The following BCO1 variants were observed in gnomAD, a reference collection of about 807,000 sequenced individuals.
BCO1 encodes beta,beta-carotene 15,15'-dioxygenase.
A neutral mutation model predicts 56.3 loss-of-function variants in BCO1; 54 were observed. That is an observed-to-expected ratio of 0.96 (90% CI 0.77 to 1.20). The LOEUF (loss-of-function observed/expected upper bound fraction) is 1.20, where lower values mean the gene tolerates loss of function less well. Among genes scored for constraint, BCO1 ranks in the 50% most tolerant of loss-of-function variants. The probability of loss-of-function intolerance (pLI) is 0.00; values close to 1 mark genes in which losing one functional copy is unlikely to be tolerated. For synonymous variants in BCO1, 318 were observed against 266.1 expected (o/e 1.20, Z -1.90); for missense variants, 801 against 690.9 (o/e 1.16, Z -1.79).
chr16:81,243,861 G>A (rs1905246889), intron 1 of BCO1, among the ~76,000 whole-genome samples: 1 of 152,238 alleles, frequency 6.6e-6, no homozygotes, highest in African/African-American at 2.4e-5. Context: ...AACATCAGGA[G>A]GAACTCAGGG....
intron 10 of BCO1, among the ~76,000 whole-genome samples, chr16:81,288,454 AG>A (rs530295525): frequency 3.8e-4 from 58 of 152,190 alleles, no homozygotes; most frequent in African/African-American, 1.4e-3. Context: ...TTGTAAAGAA[AG>A]GGTCTCACTA....
chr16:81,273,957 A>C, intron 7 of BCO1, among the ~76,000 whole-genome samples: 1 of 152,246 alleles, frequency 6.6e-6, no homozygotes, highest in Non-Finnish European at 1.5e-5. Flanking sequence ...TATGTGACTC[A>C]GGGCTATTGG....
At position 81,268,013 on chromosome 16, in the gene BCO1, C is replaced by A; in HGVS notation, c.725C>A (p.Thr242Asn). Reference sequence around the variant, plus strand: ...AGCTACTACCACAGCTTTGGAGTCACCGAGAACTATGTCATCTTCCTTGAG... The same window carrying A: ...AGCTACTACCACAGCTTTGGAGTCAACGAGAACTATGTCATCTTCCTTGAG... ...SPSYYHSFGV[T>N]ENYVIFLEQP... The change falls in exon 6 of 11, where the codon ACC (threonine) becomes AAC (asparagine). Residue 242 changes from threonine (T) to asparagine (N), a missense_variant. Physicochemically the swap from Thr to Asn is moderately conservative, Grantham distance 65. Coordinates refer to ENST00000258168, the MANE Select transcript of BCO1 (RefSeq NM_017429.3). 2 of 1,613,906 alleles carry A rather than the reference C, an allele frequency of 1.2e-6. No individual in the cohort carries two copies. The highest frequency in any genetic ancestry group is 1.7e-6 in the Non-Finnish European group (2 of 1,180,010).
intron 2 of BCO1, among the ~76,000 whole-genome samples, chr16:81,246,774 C>A (rs1350171533): frequency 6.7e-6 from 1 of 149,006 alleles, no homozygotes; most frequent in Non-Finnish European, 1.5e-5. Flanking sequence ...TTGCTTGAAC[C>A]CAGGAAGCAG....
rs767505930 is a variant in BCO1 at position 81,262,274 on chromosome 16, C to G, written c.462C>G (p.Thr154=). Residue 154 remains threonine (T), a synonymous_variant, in exon 4 of 11, where the codon ACC becomes ACG. Coordinates refer to ENST00000258168, the MANE Select transcript of BCO1 (RefSeq NM_017429.3). The part of the protein sequence containing the change: ...IRKINPQTLE[T]LEKVDYRKYV... The stretch of plus-strand genomic sequence containing the variant: ...AAATCAACCCACAGACTCTGGAAAC[C>G]CTGGAGAAGGTATCAACACATATGT... 3.7e-6 allele frequency: 6 copies of G among 1,613,262 alleles called. No individual in the cohort carries two copies. In the African/African-American group the frequency reaches 5.3e-5, roughly 14 times the overall value.
At chr16:81,264,560 T>C (rs1906689908) in intron 4 of BCO1, 80 bp from the exon 5 acceptor site, 2 of 1,547,522 alleles carry the variant, frequency 1.3e-6, no homozygotes, top group Non-Finnish European at 1.8e-6. Context: ...CCTTTCTCCT[T>C]TGAAAAACCA....
rs9934518 is a variant in BCO1, at chr16:81,273,055, C to T, written c.1101+2639C>T. On this transcript the variant is annotated intron_variant, in intron 7 of 10. Transcript: ENST00000258168. ...TTTAATCTCGGCTCACTGCAATCTC[C>T]GCCTCCTGGGTTCTAGCGATTCTCC... is the stretch of plus-strand genomic sequence containing the variant. 7.2e-3 allele frequency among the ~76,000 whole-genome samples: 1,092 copies of T among 152,218 alleles called. 13 individuals are homozygous for T. The highest frequency in any genetic ancestry group is 0.025 in the African/African-American group (1,041 of 41,524).
intron 7 of BCO1, among the ~76,000 whole-genome samples, chr16:81,274,394 G>T (rs1306044093): frequency 6.6e-6 from 1 of 151,316 alleles, no homozygotes; most frequent in Non-Finnish European, 1.5e-5. Flanking sequence ...CTCCCTAGTG[G>T]CTGGGACTAC....
intron 7 of BCO1, among the ~76,000 whole-genome samples, chr16:81,276,922 C>G (rs1254757820): frequency 6.6e-6 from 1 of 151,812 alleles, no homozygotes; most frequent in Non-Finnish European, 1.5e-5. Flanking sequence ...CAAAACTTAG[C>G]CAGGCATGGT....
intron 4 of BCO1, chr16:81,262,898 G>T (rs1302589204): frequency 6.4e-6 from 1 of 156,458 alleles, no homozygotes; most frequent in Non-Finnish European, 1.4e-5. Context: ...CTCTCTCACA[G>T]TTCTGGAGGT....
At chr16:81,254,940 T>C (rs749669557) in intron 2 of BCO1, among the ~76,000 whole-genome samples, 3 of 152,058 alleles carry the variant, frequency 2.0e-5, no homozygotes, top group Non-Finnish European at 4.4e-5. Context: ...GGGACTACCA[T>C]ACCCATCTGA....
At chr16:81,283,892 A>G (rs899266384) in intron 8 of BCO1, among the ~76,000 whole-genome samples, 4 of 151,954 alleles carry the variant, frequency 2.6e-5, no homozygotes, top group African/African-American at 9.7e-5. Flanking sequence ...ATATACATAT[A>G]TACACATTTA....
chr16:81,260,308 GA>G (rs375264968), intron 3 of BCO1, among the ~76,000 whole-genome samples: 29,008 of 131,092 alleles, frequency 0.22, 3,355 homozygotes, highest in Non-Finnish European at 0.3. Flanking sequence ...AGACTAAGTG[GA>G]AAAAAAAAAA....
intron 7 of BCO1, among the ~76,000 whole-genome samples, chr16:81,278,898 C>T (rs537782968): frequency 2.6e-5 from 4 of 151,834 alleles, no homozygotes; most frequent in East Asian, 1.9e-4. Flanking sequence ...AGGACCCTTG[C>T]GGTTCAGCTG....
intron 4 of BCO1, 57 bp downstream of exon 4, chr16:81,262,340 G>A: frequency 1.9e-6 from 3 of 1,572,440 alleles, no homozygotes; most frequent in Non-Finnish European, 2.6e-6. Context: ...GAGAGTCGGC[G>A]ACGGCCGGGG....
chr16:81,285,967 C>A (rs947699530), intron 9 of BCO1, among the ~76,000 whole-genome samples: 5 of 152,128 alleles, frequency 3.3e-5, no homozygotes, highest in Non-Finnish European at 5.9e-5. Flanking sequence ...AAGGAACTCA[C>A]CCTCTCCAGC....
chr16:81,279,022 A>G (rs111395028), intron 7 of BCO1, among the ~76,000 whole-genome samples: 143 of 152,256 alleles, frequency 9.4e-4, no homozygotes, highest in African/African-American at 3.3e-3. Context: ...CATGCTTGTA[A>G]TCCCAGCACT....
chr16:81,245,440 G>A (rs1905345777), intron 1 of BCO1, 35 bp from the exon 2 acceptor site: 2 of 1,614,138 alleles, frequency 1.2e-6, no homozygotes, highest in Non-Finnish European at 1.7e-6. Context: ...GTTTGCAGGT[G>A]GAAACGGGAA....
chr16:81,249,502 C>T (rs138028416), intron 2 of BCO1, among the ~76,000 whole-genome samples: 68 of 152,226 alleles, frequency 4.5e-4, no homozygotes, highest in African/African-American at 9.9e-4. Flanking sequence ...GTGATCTGAC[C>T]GCCTCGGCCT....
Sources: allele counts gnomAD v4.1 joint callset (sites outside exome capture counted in the v4.1 genomes callset), GRCh38; gene constraint gnomAD v4.1.1; transcripts MANE v1.5; gene names NCBI Gene and HGNC (gene_info 2026-07-23, HGNC 2026-07-21).